Variants in PTPRN observed in about 807,000 individuals in gnomAD.
The protein encoded by PTPRN is receptor-type tyrosine-protein phosphatase-like N.
PTPRN carries 70 observed loss-of-function variants against 108.5 expected under a neutral mutation model. The ratio of observed to expected loss-of-function variants is 0.65; its 90% confidence interval spans 0.53 to 0.79. The LOEUF is 0.79. Among genes scored for constraint, PTPRN ranks in the 30% least tolerant of loss-of-function variants. The probability of loss-of-function intolerance (pLI) is 0.00; values close to 1 mark genes in which losing one functional copy is unlikely to be tolerated. For missense variants in PTPRN, 1,136 were observed against 1,295.5 expected, an observed-to-expected ratio of 0.88 and a Z score of 1.89; for synonymous variants, 496 against 524.6, an observed-to-expected ratio of 0.95 and a Z score of 0.75.
rs1952224786 is a variant in PTPRN at position 219,297,267 on chromosome 2, G to A, written c.2054C>T (p.Ala685Val). The A allele has an allele frequency of 6.2e-7, 1 of 1,614,094 alleles. No individual in the cohort carries two copies. The highest frequency in any genetic ancestry group is 2.2e-5 in the East Asian group (1 of 44,874). ...GTGTCCCGTGGAGATGTCCATGTTG[G>A]CTTGGGCCGGCTCCTCGCACCAGGA... is the stretch of plus-strand genomic sequence containing the variant. Reference protein sequence around the residue: ...TPSWCEEPAQANMDISTGHMI... With the variant: ...TPSWCEEPAQVNMDISTGHMI... The change falls in exon 14 of 23, where the codon GCC (alanine) becomes GTC (valine). Residue 685 changes from alanine to valine, a missense_variant. Ala to Val is a moderately conservative substitution (Grantham distance 64, BLOSUM62 0). Coordinates refer to ENST00000295718, the MANE Select transcript of PTPRN (RefSeq NM_002846.4). This position sits in a 1 kb window ranked among gnomAD's most constrained non-coding sequence, Gnocchi z 6.0.
intron 4 of PTPRN, 44 bp from the exon 5 acceptor site, chr2:219,302,881 G>A (rs771359976): frequency 6.3e-7 from 1 of 1,588,918 alleles, no homozygotes; most frequent in Non-Finnish European, 8.5e-7. Flanking sequence ...GGGGGAAAGG[G>A]CATAGAGAGC....
intron 8 of PTPRN, 83 bp from the exon 9 acceptor site, chr2:219,300,342 G>T: frequency 7.1e-7 from 1 of 1,414,024 alleles, no homozygotes; most frequent in Non-Finnish European, 9.4e-7. Flanking sequence ...CCACAGTGGA[G>T]CTCAGGACCT....
At chr2:219,303,674 T>G in intron 4 of PTPRN, 61 bp downstream of exon 4, 1 of 1,500,292 alleles carries the variant, frequency 6.7e-7, no homozygotes, top group East Asian at 2.3e-5. Context: ...CTCCATCAAT[T>G]AGGACAACCA....
At position 219,299,746 on chromosome 2, in the gene PTPRN, G is replaced by T; in HGVS notation, c.1477C>A (p.Leu493Met). The T allele has an allele frequency of 6.2e-7, 1 of 1,610,228 alleles. No individual in the cohort carries two copies. Among genetic ancestry groups the T allele is most frequent in the Non-Finnish European group, 8.5e-7 (1 of 1,176,942 alleles). ...GAGGACATGTGCACATGCTCAGCCA[G>T]GATCTCCAGCAGCTTCACTCCTGCA... ...LAAGVKLLEILAEHVHMSSGS... is the reference protein window; with the variant it reads ...LAAGVKLLEIMAEHVHMSSGS... The change falls in exon 10 of 23, where the codon CTG becomes ATG. Residue 493 changes from leucine to methionine, a missense_variant. By Grantham distance (15) the Leu-to-Met change is conservative. Transcript: ENST00000295718.
At position 219,303,775 on chromosome 2, in the gene PTPRN, T is replaced by C; in HGVS notation, c.337A>G (p.Ile113Val). 1 of 1,614,130 alleles carries C rather than the reference T, an allele frequency of 6.2e-7. No individual in the cohort carries two copies. Among genetic ancestry groups the C allele is most frequent in the Non-Finnish European group, 8.5e-7 (1 of 1,179,996 alleles). ...QYVISQEMER[I>V]PRLRPPEPRP... ...GGCTCTGGGGGGCGAAGCCTGGGGA[T>C]GCGCTCCATCTCCTGAGAGATCACA... The change falls in exon 4 of 23, where the codon ATC (isoleucine) becomes GTC (valine). Residue 113 changes from isoleucine (I) to valine (V), a missense_variant. Transcript: ENST00000295718.
At chr2:219,291,064 C>T (rs116410751) in intron 20 of PTPRN, among the ~76,000 whole-genome samples, 174 bp from the exon 21 acceptor site, 317 of 152,190 alleles carry the variant, frequency 2.1e-3, no homozygotes, top group Non-Finnish European at 3.9e-3. Flanking sequence ...AGCACCTGCA[C>T]GCTGGGACTT....
chr2:219,297,454 G>A lies in PTPRN; in HGVS notation c.1888-21C>T. 1 of 1,612,020 alleles carries A rather than the reference G, an allele frequency of 6.2e-7. No individual in the cohort carries two copies. The highest frequency in any genetic ancestry group is 8.5e-7 in the Non-Finnish European group (1 of 1,178,430). On this transcript the variant is annotated intron_variant, in intron 13 of 22. Coordinates refer to ENST00000295718, the MANE Select transcript of PTPRN (RefSeq NM_002846.4). This position sits in a 1 kb window ranked among gnomAD's most constrained non-coding sequence, Gnocchi z 6.0. ...AGGTCCTGTGGAGGAAGAATCAGGT[G>A]AGGTCCAAGAGTCCCCTGAAACTTT... is the stretch of plus-strand genomic sequence containing the variant.
chr2:219,290,867 G>A lies in PTPRN; in HGVS notation c.2753C>T (p.Thr918Ile), dbSNP rs765836194. 5 of 1,614,112 alleles carry A rather than the reference G, an allele frequency of 3.1e-6. No homozygotes were observed. Among genetic ancestry groups the A allele is most frequent in the Non-Finnish European group, 4.2e-6 (5 of 1,179,984 alleles). Residue 918 changes from threonine (T) to isoleucine (I), a missense_variant, in exon 21 of 23, where the codon ACC (threonine) becomes ATC (isoleucine). Transcript: ENST00000295718. The surrounding 1 kb of genome is among the most constrained non-coding windows in gnomAD (Gnocchi z 4.2). Reference sequence around the variant, plus strand: ...CAGGACCATGTCGATGAGGATGTAGGTGCCGGTCCTCCCCGCACCATCACT... The same window carrying A: ...CAGGACCATGTCGATGAGGATGTAGATGCCGGTCCTCCCCGCACCATCACT... ...HCSDGAGRTG[T>I]YILIDMVLNR... is the part of the protein sequence containing the mutation.
Position 219,298,020 on chromosome 2 carries a change from C to G in PTPRN, c.1752G>C (p.Leu584=). The change falls in exon 13 of 23, where the codon CTG becomes CTC. Residue 584 remains leucine, a synonymous_variant. Transcript: ENST00000295718. ...CCACCAGCAGCCCAGCCACACCTGC[C>G]AGGGCCACCAGAGTGAGCAGCACTG... ...MRSVLLTLVA[L]AGVAGLLVAL... 1 of 1,614,084 alleles carries G rather than the reference C, an allele frequency of 6.2e-7. No homozygotes were observed. Among genetic ancestry groups the G allele is most frequent in the Non-Finnish European group, 8.5e-7 (1 of 1,180,010 alleles).
chr2:219,307,919 G>A (rs1952525060), intron 1 of PTPRN, 77 bp from the exon 2 acceptor site: 2 of 1,396,890 alleles, frequency 1.4e-6, no homozygotes, highest in African/African-American at 1.4e-5. Context: ...GGCTGGGAAC[G>A]GGAGAAGCAG....
chr2:219,301,024 G>T, intron 7 of PTPRN, 47 bp from the exon 8 acceptor site: 3 of 1,591,706 alleles, frequency 1.9e-6, no homozygotes, highest in Non-Finnish European at 2.6e-6. Flanking sequence ...CCATGGCCAA[G>T]GTCTACACAA....
At chr2:219,301,059 A>T in intron 7 of PTPRN, 82 bp from the exon 8 acceptor site, 4 of 1,367,424 alleles carry the variant, frequency 2.9e-6, no homozygotes, top group Non-Finnish European at 3.1e-6. Flanking sequence ...AGGGCCAGAG[A>T]CCCTGAGCCT....
rs1458462119 is a variant in PTPRN at position 219,301,477 on chromosome 2, C to G, written c.1126+111G>C. ...CCCTATGTCTCAAAGGAACTCTTTC[C>G]CCTGAAGCCTGACTCTTCCTCTCCA... On this transcript the variant is annotated intron_variant, in intron 7 of 22. Transcript: ENST00000295718. 13 of 1,418,576 alleles carry G rather than the reference C, an allele frequency of 9.2e-6. No homozygotes were observed. In the East Asian group the frequency reaches 2.8e-4, roughly 30 times the overall value. 87.9% of individuals were successfully genotyped at this position (1,418,576 alleles called of 1,614,324 possible).
intron 4 of PTPRN, 101 bp downstream of exon 4, chr2:219,303,634 T>C (rs1952412385): frequency 1.8e-6 from 2 of 1,100,550 alleles, no homozygotes; most frequent in Non-Finnish European, 2.7e-6. Context: ...CCCAGCATGC[T>C]GGCCTTGGTG....
chr2:219,305,037 A>C (rs1676653867), intron 3 of PTPRN, among the ~76,000 whole-genome samples: 2 of 152,076 alleles, frequency 1.3e-5, no homozygotes, highest in African/African-American at 4.8e-5. Flanking sequence ...CTTTGTCTGC[A>C]TGTCCAAATC....
At chr2:219,299,500 C>A in intron 10 of PTPRN, 116 bp from the exon 11 acceptor site, 3 of 1,287,872 alleles carry the variant, frequency 2.3e-6, no homozygotes, top group Non-Finnish European at 3.3e-6. Flanking sequence ...ATCGGGGATG[C>A]CCTACAGGGG....
At chr2:219,291,225 G>A (rs749040362) in intron 20 of PTPRN, among the ~76,000 whole-genome samples, 3 of 152,080 alleles carry the variant, frequency 2.0e-5, no homozygotes, top group Non-Finnish European at 4.4e-5. Context: ...GTGTATAGGG[G>A]GCCAATGGTC....
chr2:219,300,434 T>C, intron 8 of PTPRN, 175 bp from the exon 9 acceptor site: 2 of 587,928 alleles, frequency 3.4e-6, no homozygotes, highest in Non-Finnish European at 5.7e-6. Flanking sequence ...AGTAAGTGGA[T>C]GCATGAATGA....
At chr2:219,306,481 A>G (rs1298465316) in intron 3 of PTPRN, among the ~76,000 whole-genome samples, 1 of 152,212 alleles carries the variant, frequency 6.6e-6, no homozygotes, top group Non-Finnish European at 1.5e-5. Context: ...TCTTGACTCC[A>G]TCTATTCTAG....
Sources: gnomAD v4.1 joint callset for allele counts (sites outside exome capture counted in the v4.1 genomes callset) on GRCh38, gnomAD v4.1.1 for gene constraint, Gnocchi (gnomAD v3.1) non-coding constraint, MANE v1.5 for transcripts, NCBI Gene and HGNC (gene_info 2026-07-23, HGNC 2026-07-21) for gene names.